BTBD9: variants seen among roughly 807,000 people sequenced by gnomAD.
BTBD9 encodes the protein BTB/POZ domain-containing protein 9.
A neutral mutation model predicts 64.3 loss-of-function variants in BTBD9; 49 were observed. That is an observed-to-expected ratio of 0.76 (90% CI 0.61 to 0.97). The LOEUF is 0.97. BTBD9 is among the 50% of genes least tolerant of loss of function. The pLI is 0.00. For synonymous variants in BTBD9, 260 were observed against 274.7 expected (o/e 0.95, Z 0.53); for missense variants, 598 against 762.1 (o/e 0.78, Z 2.53).
chr6:38,624,115 C>T (rs1031373585), intron 1 of BTBD9, among the ~76,000 whole-genome samples: 7 of 152,262 alleles, frequency 4.6e-5, no homozygotes, highest in South Asian at 2.1e-4. Context: ...GATTGTAAAA[C>T]GCACCAATCA....
At chr6:38,268,858 G>A (rs966619612) in intron 8 of BTBD9, among the ~76,000 whole-genome samples, 2 of 152,178 alleles carry the variant, frequency 1.3e-5, no homozygotes, top group African/African-American at 2.4e-5. Flanking sequence ...CTCCCTTGGC[G>A]AACTTACTAC....
chr6:38,171,869 AAAAAAAAAAAAAATAATAAT>A lies in BTBD9; in HGVS notation c.*3096_*3115del, dbSNP rs1218542509. ...CTCAAAAAAAAAAAAAAAAAAAAAA[AAAAAAAAAAAAAATAATAAT>A]AATAATAATAATAATAATAATGAAA... On this transcript the variant is annotated 3_prime_UTR_variant, in exon 11 of 11. Transcript: ENST00000481247. The A allele has an allele frequency of 2.0e-5, 2 of 100,654 alleles. No individual in the cohort carries two copies. The highest frequency in any genetic ancestry group is 4.6e-5 in the Non-Finnish European group (2 of 43,754). 6.2% of individuals were successfully genotyped at this position (100,654 alleles called of 1,614,324 possible). A position where few individuals can be genotyped will look rare whatever the true frequency, so the allele number is the denominator to read the frequency against.
At chr6:38,294,058 G>A (rs373212691) in intron 7 of BTBD9, among the ~76,000 whole-genome samples, 10 of 151,640 alleles carry the variant, frequency 6.6e-5, no homozygotes, top group South Asian at 2.1e-4. Flanking sequence ...GCCAACAAAC[G>A]TATGAAAAAA....
chr6:38,363,166 G>A (rs1442790452), intron 6 of BTBD9, among the ~76,000 whole-genome samples: 2 of 152,070 alleles, frequency 1.3e-5, no homozygotes, highest in Non-Finnish European at 1.5e-5. Flanking sequence ...ATAGCTCAGC[G>A]CCACCTCCAA....
chr6:38,379,030 G>A (rs530765091), intron 6 of BTBD9, among the ~76,000 whole-genome samples: 6 of 152,182 alleles, frequency 3.9e-5, no homozygotes, highest in Admixed American at 1.3e-4. Flanking sequence ...TGAATAACTA[G>A]GCTACAGCAA....
At chr6:38,304,582 A>G (rs944499434) in intron 7 of BTBD9, among the ~76,000 whole-genome samples, 1 of 151,936 alleles carries the variant, frequency 6.6e-6, no homozygotes, top group African/African-American at 2.4e-5. Flanking sequence ...ACCAACATCA[A>G]AAGAATACCA....
At chr6:38,232,636 T>A (rs954175102) in intron 9 of BTBD9, among the ~76,000 whole-genome samples, 39 of 152,040 alleles carry the variant, frequency 2.6e-4, no homozygotes, top group Admixed American at 9.8e-4. Flanking sequence ...TTTATTTTAT[T>A]ATTATTTTTT....
At chr6:38,175,317 C>G in intron 10 of BTBD9, 135 bp from the exon 11 acceptor site, 1 of 824,862 alleles carries the variant, frequency 1.2e-6, no homozygotes, top group Non-Finnish European at 1.9e-6. Context: ...TCCCACTGCC[C>G]ACGCCTGCCC....
intron 9 of BTBD9, among the ~76,000 whole-genome samples, chr6:38,225,262 G>A (rs1246733058): frequency 6.6e-6 from 1 of 152,218 alleles, no homozygotes; most frequent in African/African-American, 2.4e-5. Context: ...AGCAAAGGTA[G>A]CTGCCACATC....
intron 6 of BTBD9, among the ~76,000 whole-genome samples, chr6:38,387,980 T>C (rs769980246): frequency 6.6e-6 from 1 of 152,206 alleles, no homozygotes; most frequent in Non-Finnish European, 1.5e-5. Context: ...ACTGATAGGA[T>C]ATACCAATTC....
chr6:38,281,222 G>C (rs1314684819), intron 8 of BTBD9, among the ~76,000 whole-genome samples: 1 of 152,098 alleles, frequency 6.6e-6, no homozygotes, highest in East Asian at 1.9e-4. Flanking sequence ...AAGTGCATGA[G>C]CAACAGTTAG....
At chr6:38,439,282 C>A (rs948246495) in intron 6 of BTBD9, among the ~76,000 whole-genome samples, 1 of 150,640 alleles carries the variant, frequency 6.6e-6, no homozygotes, top group Non-Finnish European at 1.5e-5. Flanking sequence ...TACCACCATG[C>A]CCAGCTAATT....
chr6:38,313,637 T>C (rs1562010947), intron 7 of BTBD9, among the ~76,000 whole-genome samples: 1 of 152,190 alleles, frequency 6.6e-6, no homozygotes, highest in Non-Finnish European at 1.5e-5. Context: ...GAAATAATTA[T>C]ATGGTGTTTG....
Position 38,345,660 on chromosome 6 carries a change from C to T in BTBD9, c.1155-567G>A, listed in dbSNP as rs139968788. Reference sequence around the variant, plus strand: ...TTAGGAAGTTAACCTTATATACTTACGCCAGCCCCCCACTTGACTGCTGGG... The same window carrying T: ...TTAGGAAGTTAACCTTATATACTTATGCCAGCCCCCCACTTGACTGCTGGG... On this transcript the variant is annotated intron_variant, in intron 6 of 10. Coordinates refer to ENST00000481247, the MANE Select transcript of BTBD9 (RefSeq NM_001099272.2). Among the ~76,000 whole-genome samples, 104 of 152,316 alleles carry T rather than the reference C, an allele frequency of 6.8e-4. 1 individual carries two copies. In the East Asian group the frequency reaches 0.017, roughly 25 times the overall value.
At position 38,498,241 on chromosome 6, in the gene BTBD9, G is replaced by A. The variant is rs76376099; in HGVS notation, c.1154+79359C>T. ...ACCTATCCCAGTTTTTCCACAACTAGGTTGTTCCAGGACTGGTGAGGTATC... is the reference window on the plus strand; with the variant it reads ...ACCTATCCCAGTTTTTCCACAACTAAGTTGTTCCAGGACTGGTGAGGTATC... On this transcript the variant is annotated intron_variant, in intron 6 of 10. Transcript: ENST00000481247. Among the ~76,000 whole-genome samples the A allele has an allele frequency of 8.8e-3, 1,336 of 152,264 alleles. 16 individuals are homozygous for A. The highest frequency in any genetic ancestry group is 0.029 in the African/African-American group (1,219 of 41,544).
At chr6:38,265,856 T>C (rs1040536836) in intron 8 of BTBD9, among the ~76,000 whole-genome samples, 11 of 152,158 alleles carry the variant, frequency 7.2e-5, no homozygotes, top group Admixed American at 7.2e-4. Context: ...TAAGACCATC[T>C]TTTCACTTCT....
chr6:38,629,566 G>A (rs1778290642), intron 1 of BTBD9, among the ~76,000 whole-genome samples: 1 of 152,226 alleles, frequency 6.6e-6, no homozygotes, highest in Admixed American at 6.5e-5. Context: ...GCTCATGCCT[G>A]TAATCCCAGC....
intron 6 of BTBD9, among the ~76,000 whole-genome samples, chr6:38,413,573 C>A (rs1211195523): frequency 6.6e-6 from 1 of 152,116 alleles, no homozygotes; most frequent in Non-Finnish European, 1.5e-5. Flanking sequence ...TCTAGACCAG[C>A]CAGTTATTCA....
At chr6:38,631,330 C>G (rs576380100) in intron 1 of BTBD9, among the ~76,000 whole-genome samples, 1 of 152,092 alleles carries the variant, frequency 6.6e-6, no homozygotes, top group Non-Finnish European at 1.5e-5. Context: ...AATGGCTTCA[C>G]GGGAAAAAGG....
Sources: gnomAD v4.1 joint callset for allele counts (sites outside exome capture counted in the v4.1 genomes callset) on GRCh38, gnomAD v4.1.1 for gene constraint, MANE v1.5 for transcripts, NCBI Gene and HGNC (gene_info 2026-07-23, HGNC 2026-07-21) for gene names.